LZTFL1: variants seen among roughly 807,000 people sequenced by gnomAD.
LZTFL1 encodes the protein leucine zipper transcription factor like 1.
LZTFL1 carries 25 observed loss-of-function variants against 45.9 expected under a neutral mutation model. The ratio of observed to expected loss-of-function variants is 0.54; its 90% CI spans 0.40 to 0.76. The LOEUF (loss-of-function observed/expected upper bound fraction) is 0.76. LZTFL1 is among the 30% of genes least tolerant of loss of function. The pLI, the probability that LZTFL1 is intolerant of heterozygous loss-of-function variation, is 0.00. For missense variants in LZTFL1, 277 were observed against 331.1 expected, an observed-to-expected ratio of 0.84 and a Z score of 1.27; for synonymous variants, 93 against 117.4, an observed-to-expected ratio of 0.79 and a Z score of 1.35.
intron 2 of LZTFL1, among the ~76,000 whole-genome samples, chr3:45,899,361 T>A (rs1443583198): frequency 6.6e-6 from 1 of 152,232 alleles, no homozygotes; most frequent in Non-Finnish European, 1.5e-5. Context: ...TTACAATGTA[T>A]ACAGATAGGG....
At chr3:45,859,544 C>A (rs909601849) in intron 2 of LZTFL1, among the ~76,000 whole-genome samples, 3 of 151,346 alleles carry the variant, frequency 2.0e-5, no homozygotes, top group African/African-American at 7.3e-5. Context: ...GTATTTTCAC[C>A]AACAAAAAAC....
chr3:45,842,939 A>G (rs1323284404), upstream of LZTFL1, among the ~76,000 whole-genome samples: 2 of 152,260 alleles, frequency 1.3e-5, no homozygotes, highest in African/African-American at 4.8e-5. Flanking sequence ...AGGGACTCAG[A>G]GTCCTTCACT....
intron 2 of LZTFL1, among the ~76,000 whole-genome samples, chr3:45,865,251 G>C (rs1278746735): frequency 2.0e-5 from 3 of 152,206 alleles, no homozygotes; most frequent in Non-Finnish European, 4.4e-5. Flanking sequence ...TCTTTCAGAG[G>C]AAGGGTAAAC....
chr3:45,844,167 C>A (rs1458303995), upstream of LZTFL1, among the ~76,000 whole-genome samples: 4 of 152,210 alleles, frequency 2.6e-5, no homozygotes, highest in African/African-American at 9.7e-5. Context: ...AGGGTGTTTG[C>A]AACCTAGACT....
At chr3:45,844,659 G>A (rs1701189744), upstream of LZTFL1, among the ~76,000 whole-genome samples, 1 of 152,100 alleles carries the variant, frequency 6.6e-6, no homozygotes, top group Admixed American at 6.6e-5. Context: ...TCCCCATCTT[G>A]CCCCACCTTG....
intron 2 of LZTFL1, among the ~76,000 whole-genome samples, chr3:45,888,813 G>C (rs919008080): frequency 6.6e-6 from 1 of 151,126 alleles, no homozygotes. Context: ...AAGAGAAATA[G>C]ATGGCAAGGC....
At chr3:45,896,127 T>A (rs573461664) in intron 2 of LZTFL1, among the ~76,000 whole-genome samples, 11 of 152,364 alleles carry the variant, frequency 7.2e-5, no homozygotes, top group African/African-American at 2.2e-4. Context: ...GAAGTAACTA[T>A]TATTCTGACA....
rs1375540027 is a variant in LZTFL1 at position 45,910,346 on chromosome 3, A to C, written c.-215+2774T>G. On this transcript the variant is annotated intron_variant, in intron 2 of 4. Coordinates refer to the LZTFL1 transcript ENST00000472635. ...ACACAATGGTGAAGATTAGAATTGA[A>C]AGAAAGGAAGGCATCAAGGATGACT... is the stretch of plus-strand genomic sequence containing the variant. Among the ~76,000 whole-genome samples, 3 of 152,252 alleles carry C rather than the reference A, an allele frequency of 2.0e-5. No individual in the cohort carries two copies. The South Asian group carries it at 6.2e-4, about 32-fold the overall frequency.
chr3:45,886,836 G>A (rs2125734631), intron 2 of LZTFL1, among the ~76,000 whole-genome samples: 1 of 152,230 alleles, frequency 6.6e-6, no homozygotes, highest in East Asian at 1.9e-4. Flanking sequence ...CCCAACCCAG[G>A]TTTCTTGTAG....
intron 2 of LZTFL1, among the ~76,000 whole-genome samples, chr3:45,871,379 T>C (rs1235792821): frequency 9.9e-5 from 15 of 152,254 alleles, no homozygotes; most frequent in Non-Finnish European, 4.4e-5. Flanking sequence ...CTCATAATCA[T>C]TTGCCTATTT....
Position 45,825,482 on chromosome 3 carries a change from T to C in LZTFL1, c.*832A>G, listed in dbSNP as rs946606329. 3 of 152,224 alleles carry C rather than the reference T, an allele frequency of 2.0e-5. No homozygotes were observed. The highest frequency in any genetic ancestry group is 4.4e-5 in the Non-Finnish European group (3 of 68,012). The allele number at this position is 152,224 out of a possible 1,614,324, so 9.4% of individuals were successfully genotyped here. A position where few individuals can be genotyped will look rare whatever the true frequency, so the allele number is the denominator to read the frequency against. On this transcript the variant is annotated 3_prime_UTR_variant, in exon 10 of 10. Transcript: ENST00000296135. ...TAATCTGAAGTCTGATAGCTGATTT[T>C]ATGTTGAATATACGTCTTTTAAAAA...
rs202102736 is a variant in LZTFL1, at chr3:45,855,536, CA to C, written c.-137-463del. Among the ~76,000 whole-genome samples the C allele has an allele frequency of 9.2e-3, 1,401 of 152,282 alleles. 27 individuals are homozygous for C. Among genetic ancestry groups the C allele is most frequent in the African/African-American group, 0.032 (1,320 of 41,540 alleles). ...GATGCCCTCTCTCACCACCCTTATT[CA>C]ACATAGTATTGGAAGTCCTGGACAG... is the stretch of plus-strand genomic sequence containing the variant. On this transcript the variant is annotated intron_variant, in intron 3 of 4. Coordinates refer to the LZTFL1 transcript ENST00000472635.
intron 2 of LZTFL1, among the ~76,000 whole-genome samples, chr3:45,864,709 TAA>T (rs1222610597): frequency 6.6e-6 from 1 of 152,036 alleles, no homozygotes; most frequent in Non-Finnish European, 1.5e-5. Flanking sequence ...TAAAAGAATA[TAA>T]GAGAGAAAAA....
At chr3:45,857,978 A>G (rs922600552) in intron 3 of LZTFL1, among the ~76,000 whole-genome samples, 4 of 152,252 alleles carry the variant, frequency 2.6e-5, no homozygotes, top group African/African-American at 9.6e-5. Flanking sequence ...TTGGTTAATC[A>G]TAATGATAAT....
intron 2 of LZTFL1, among the ~76,000 whole-genome samples, chr3:45,888,771 A>G (rs965724071): frequency 1.3e-5 from 2 of 152,198 alleles, no homozygotes; most frequent in Non-Finnish European, 1.5e-5. Context: ...CTGGGAGAAT[A>G]AAATATTTGA....
chr3:45,829,610 A>G (rs994993880), intron 7 of LZTFL1, among the ~76,000 whole-genome samples: 4 of 121,304 alleles, frequency 3.3e-5, no homozygotes, highest in African/African-American at 1.2e-4. Flanking sequence ...TCTCAAAAGA[A>G]AAAAAAAAAA....
At chr3:45,890,314 T>TAA (rs1702125566) in intron 2 of LZTFL1, among the ~76,000 whole-genome samples, 1 of 61,888 alleles carries the variant, frequency 1.6e-5, no homozygotes, top group Non-Finnish European at 2.9e-5. Flanking sequence ...CATATATATA[T>TAA]ATTTATATAA....
rs12634419 is a variant in LZTFL1, at chr3:45,882,032, G to T, written c.-214-23016C>A. On this transcript the variant is annotated intron_variant, in intron 2 of 4. Transcript: ENST00000472635. ...ACAGTGTCATGTTCACTAGCTATAT[G>T]TGGCCACACACTGGACAGATAGCTA... Among the ~76,000 whole-genome samples the T allele has an allele frequency of 9.2e-5, 14 of 152,344 alleles. No individual in the cohort carries two copies. In the East Asian group the frequency reaches 1.9e-3, roughly 21 times the overall value.
In LZTFL1 at chr3:45,828,507, C is replaced by T; in HGVS notation, c.709G>A (p.Glu237Lys). ...TGCTTGGCTGTCGCCAGATTCTCCT[C>T]CAGTGACTTCTGGTTTTCTGTCTTG... is the stretch of plus-strand genomic sequence containing the variant. Reference protein sequence around the residue: ...NDKTENQKSLEENLATAKHDL... With the variant: ...NDKTENQKSLKENLATAKHDL... Residue 237 changes from glutamate to lysine, a missense_variant, in exon 8 of 10, where the codon GAG becomes AAG. Transcript: ENST00000296135. The T allele has an allele frequency of 6.2e-7, 1 of 1,614,192 alleles. No individual in the cohort carries two copies.
Sources: gnomAD v4.1 joint callset for allele counts (sites outside exome capture counted in the v4.1 genomes callset) on GRCh38, gnomAD v4.1.1 for gene constraint, MANE v1.5 for transcripts, NCBI Gene and HGNC (gene_info 2026-07-23, HGNC 2026-07-21) for gene names.